The following SBF2 variants were observed in gnomAD, a reference collection of about 807,000 sequenced individuals.
The protein encoded by SBF2 is SET binding factor 2.
In SBF2, 112 loss-of-function variants were observed where a neutral mutation model predicts 225.2. The ratio of observed to expected loss-of-function variants is 0.50; its 90% CI spans 0.43 to 0.58. SBF2 has a LOEUF of 0.58. SBF2 is among the 20% of genes least tolerant of loss of function. SBF2 has a pLI of 0.00. For synonymous variants in SBF2, 763 were observed against 773.3 expected (o/e 0.99, Z 0.22); for missense variants, 1,996 against 2,206.2 (o/e 0.90, Z 1.91).
intron 1 of SBF2, among the ~76,000 whole-genome samples, chr11:10,248,967 G>A (rs1011681963): frequency 6.6e-5 from 10 of 152,034 alleles, no homozygotes; most frequent in African/African-American, 2.4e-4. Context: ...GTGGTGGCGG[G>A]AGCCTGTAGT....
intron 1 of SBF2, among the ~76,000 whole-genome samples, chr11:10,229,616 A>G (rs1958738395): frequency 6.6e-6 from 1 of 152,038 alleles, no homozygotes; most frequent in South Asian, 2.1e-4. Context: ...CATGTAGTTG[A>G]GTGGTTTTGA....
chr11:10,118,145 T>G (rs1016183884), intron 2 of SBF2, among the ~76,000 whole-genome samples: 2 of 152,214 alleles, frequency 1.3e-5, no homozygotes, highest in African/African-American at 4.8e-5. Context: ...TCCCAGATAT[T>G]TGAAGGCCAA....
intron 2 of SBF2, among the ~76,000 whole-genome samples, chr11:10,087,886 T>TTCATTTGATTCCTGGCTGC: frequency 6.6e-6 from 1 of 152,330 alleles, no homozygotes; most frequent in African/African-American, 2.4e-5. Flanking sequence ...TTGAAACATT[T>TTCATTTGATTCCTGGCTGC]TCATTTGATT....
chr11:10,160,868 C>A (rs758330454), intron 2 of SBF2, among the ~76,000 whole-genome samples: 1 of 152,114 alleles, frequency 6.6e-6, no homozygotes, highest in Admixed American at 6.6e-5. Flanking sequence ...CAAAACTACA[C>A]GTGTACCACT....
intron 12 of SBF2, 28 bp from the exon 13 acceptor site, chr11:9,989,623 A>T: frequency 7.5e-7 from 1 of 1,328,950 alleles, no homozygotes; most frequent in East Asian, 2.3e-5. Flanking sequence ...ATGGCAAAAC[A>T]TCAATTCCAA....
intron 2 of SBF2, among the ~76,000 whole-genome samples, chr11:10,189,347 A>G (rs1220696982): frequency 2.0e-5 from 3 of 152,192 alleles, no homozygotes; most frequent in South Asian, 2.1e-4. Flanking sequence ...TACAAAAAGG[A>G]AGAGAAAAGT....
At chr11:9,782,818 C>T (rs1234780967) in intron 38 of SBF2, among the ~76,000 whole-genome samples, 3 of 149,960 alleles carry the variant, frequency 2.0e-5, no homozygotes, top group Admixed American at 1.3e-4. Context: ...TGCAGTGAGC[C>T]GAGATTGCAC....
chr11:10,180,075 G>T (rs796548344), intron 2 of SBF2, among the ~76,000 whole-genome samples: 6 of 152,108 alleles, frequency 3.9e-5, no homozygotes, highest in African/African-American at 1.4e-4. Flanking sequence ...GTCTTGAAAA[G>T]TCCTTGTGGT....
chr11:10,090,713 C>T (rs1377771888), intron 2 of SBF2, among the ~76,000 whole-genome samples: 2 of 136,082 alleles, frequency 1.5e-5, no homozygotes, highest in African/African-American at 2.8e-5. Flanking sequence ...TGCAGTGAGC[C>T]GAGATTGTGC....
chr11:10,009,167 T>C (rs1449319393), intron 6 of SBF2, among the ~76,000 whole-genome samples: 1 of 152,234 alleles, frequency 6.6e-6, no homozygotes, highest in Non-Finnish European at 1.5e-5. Context: ...ATGGACTGTC[T>C]CATTAATCCA....
rs536660480 is a variant in SBF2 at position 10,024,432 on chromosome 11, C to G, written c.619+4020G>C. On this transcript the variant is annotated intron_variant, in intron 6 of 39. Transcript: ENST00000256190. The stretch of plus-strand genomic sequence containing the variant: ...TAATTCATTCACATTTTTACCAGTA[C>G]TCAGGGAAGCACTCTGAAGTCTCAA... 2.6e-5 allele frequency among the ~76,000 whole-genome samples: 4 copies of G among 152,276 alleles called. 1 individual carries two copies. The South Asian group carries it at 8.3e-4, about 32-fold the overall frequency.
chr11:10,255,007 G>A (rs1591313952), intron 1 of SBF2, among the ~76,000 whole-genome samples: 1 of 144,096 alleles, frequency 6.9e-6, no homozygotes, highest in East Asian at 2.1e-4. Flanking sequence ...GCCAAGAAGA[G>A]AATGATCTCA....
At position 9,899,338 on chromosome 11, in the gene SBF2, T is replaced by TAAA. The variant is rs35977537; in HGVS notation, c.1861-3330_1861-3328dup. Reference sequence around the variant, plus strand: ...GGGTGACTCTGCTTCTACAAAAAATTAAAAAAAAAAAAAAAACTGGCCAGG... The same window carrying TAAA: ...GGGTGACTCTGCTTCTACAAAAAATTAAAAAAAAAAAAAAAAAAACTGGCCAGG... On this transcript the variant is annotated intron_variant, in intron 16 of 39. Transcript: ENST00000256190. 1.7e-3 allele frequency among the ~76,000 whole-genome samples: 233 copies of TAAA among 138,242 alleles called. 1 individual carries two copies. Among genetic ancestry groups the TAAA allele is most frequent in the African/African-American group, 5.6e-3 (209 of 37,332 alleles). 90.7% of individuals were successfully genotyped at this position (138,242 alleles called of 152,430 possible).
rs370938523 is a variant in SBF2, at chr11:10,200,114, T to A, written c.56-6127A>T. 3.0e-4 allele frequency among the ~76,000 whole-genome samples: 45 copies of A among 152,262 alleles called. No individual in the cohort carries two copies. In the South Asian group the frequency reaches 9.1e-3, roughly 31 times the overall value. On this transcript the variant is annotated intron_variant, in intron 1 of 39. Transcript: ENST00000256190. Reference sequence around the variant, plus strand: ...GTGACCTATCATGGGAGGTTTTATATACATATGAAACAGGGTTAAGAATAT... The same window carrying A: ...GTGACCTATCATGGGAGGTTTTATAAACATATGAAACAGGGTTAAGAATAT...
In SBF2 at chr11:10,049,595, G is replaced by A. The variant is rs368135439; in HGVS notation, c.142-6614C>T. 9.2e-5 allele frequency among the ~76,000 whole-genome samples: 14 copies of A among 151,974 alleles called. No homozygotes were observed. In the South Asian group the frequency reaches 2.7e-3, roughly 29 times the overall value. On this transcript the variant is annotated intron_variant, in intron 2 of 39. Coordinates refer to ENST00000256190, the MANE Select transcript of SBF2 (RefSeq NM_030962.4). ...GCACTCCAGCCTGGGCAACAAGAGA[G>A]AGACTCCATCTTAAAAAAAAAAATT...
chr11:9,890,255 T>C (rs1860688218), intron 17 of SBF2, among the ~76,000 whole-genome samples: 1 of 152,192 alleles, frequency 6.6e-6, no homozygotes, highest in African/African-American at 2.4e-5. Context: ...TGAGAAATGT[T>C]CTAAAATTAG....
rs944357021 is a variant in SBF2, at chr11:9,968,491, A to T, written c.1450T>A (p.Ser484Thr). 4 of 1,614,094 alleles carry T rather than the reference A, an allele frequency of 2.5e-6. No individual in the cohort carries two copies. Among genetic ancestry groups the T allele is most frequent in the Non-Finnish European group, 3.4e-6 (4 of 1,180,002 alleles). ...GGAAGAATATGAACTCGCAAATGGG[A>T]TCCTTCTGTTGGCCGTGGAACTTTC... is the stretch of plus-strand genomic sequence containing the variant. The part of the protein sequence containing the change: ...FQKVPRPTEG[S>T]HLRVHILPFP... The change falls in exon 14 of 40, where the codon TCC (serine) becomes ACC (threonine). Residue 484 changes from serine (S) to threonine (T), a missense_variant. Ser to Thr is a moderately conservative substitution (Grantham distance 58, BLOSUM62 1). Transcript: ENST00000256190.
At chr11:9,797,703 C>A (rs1853211646) in intron 32 of SBF2, among the ~76,000 whole-genome samples, 1 of 152,224 alleles carries the variant, frequency 6.6e-6, no homozygotes, top group African/African-American at 2.4e-5. Flanking sequence ...GGCGTGGTGG[C>A]TCACGCCTGT....
intron 32 of SBF2, among the ~76,000 whole-genome samples, chr11:9,805,906 C>G (rs1590126353): frequency 6.6e-6 from 1 of 152,190 alleles, no homozygotes; most frequent in South Asian, 2.1e-4. Flanking sequence ...CAGGCGTGAG[C>G]CACCACGCCC....
Sources: gnomAD v4.1 joint callset for allele counts (sites outside exome capture counted in the v4.1 genomes callset) on GRCh38, gnomAD v4.1.1 for gene constraint, MANE v1.5 for transcripts, NCBI Gene and HGNC (gene_info 2026-07-23, HGNC 2026-07-21) for gene names.